Variants in GAD1 observed in about 807,000 individuals in gnomAD.
GAD1 encodes glutamate decarboxylase 1.
A neutral mutation model predicts 75.2 loss-of-function variants in GAD1; 35 were observed. The observed-to-expected ratio is 0.47, with a 90% CI of 0.36 to 0.62. The LOEUF (loss-of-function observed/expected upper bound fraction) is 0.62, where lower values mean the gene tolerates loss of function less well. Among genes scored for constraint, GAD1 ranks in the 20% least tolerant of loss-of-function variants. GAD1 has a pLI of 0.00. For synonymous variants in GAD1, 257 were observed against 271.9 expected (o/e 0.95, Z 0.54); for missense variants, 490 against 758.5 (o/e 0.65, Z 4.16).
In GAD1 at chr2:170,818,817, C is replaced by A; in HGVS notation, c.82+144C>A. The A allele has an allele frequency of 1.2e-6, 1 of 810,460 alleles. No individual in the cohort carries two copies. Among genetic ancestry groups the A allele is most frequent in the Non-Finnish European group, 2.1e-6 (1 of 477,924 alleles). The allele number at this position is 810,460 out of a possible 1,614,324, so 50.2% of individuals were successfully genotyped here. A position where few individuals can be genotyped will look rare whatever the true frequency, so the allele number is the denominator to read the frequency against. On this transcript the variant is annotated intron_variant, in intron 2 of 16. Coordinates refer to ENST00000358196, the MANE Select transcript of GAD1 (RefSeq NM_000817.3). The surrounding 1 kb of genome is among the most constrained non-coding windows in gnomAD (Gnocchi z 5.9). ...AATAAATGGGGCTCTGACCCCGTCC[C>A]TGCCAGAGGTCATTCGGCTGTCAGG...
chr2:170,829,532 A>G lies in GAD1; in HGVS notation c.203A>G (p.Lys68Arg), dbSNP rs112605975. ...AAGAGTCGCCTTGTGAGTGCCTTCA[A>G]GGAGAGGCAATCCTCCAAGAACCTG... is the stretch of plus-strand genomic sequence containing the variant. Reference protein sequence around the residue: ...EEKSRLVSAFKERQSSKNLLS... With the variant: ...EEKSRLVSAFRERQSSKNLLS... Residue 68 changes from lysine (K) to arginine (R), a missense_variant, in exon 4 of 17, where the codon AAG becomes AGG. Physicochemically the swap from Lys to Arg is conservative, Grantham distance 26. Around this residue, in one of 3 missense-constraint regions of GAD1, gnomAD observed 165 missense variants for 216.4 expected, o/e 0.76. Transcript: ENST00000358196. 1.8e-5 allele frequency: 29 copies of G among 1,609,574 alleles called. 1 individual carries two copies. The African/African-American group carries it at 2.7e-4, about 15-fold the overall frequency.
Position 170,856,879 on chromosome 2 carries a change from A to G in GAD1, c.1414-139A>G, listed in dbSNP as rs1559287463. The G allele has an allele frequency of 2.8e-5, 21 of 756,156 alleles. No homozygotes were observed. The South Asian group carries it at 2.9e-4, about 10-fold the overall frequency. 46.8% of individuals were successfully genotyped at this position (756,156 alleles called of 1,614,324 possible). Reference sequence around the variant, plus strand: ...TGCACATCTGTGAAAAAGCTGACATATTTGATTAGATTGTTCTTCCTAACC... The same window carrying G: ...TGCACATCTGTGAAAAAGCTGACATGTTTGATTAGATTGTTCTTCCTAACC... On this transcript the variant is annotated intron_variant, in intron 14 of 16. Coordinates refer to ENST00000358196, the MANE Select transcript of GAD1 (RefSeq NM_000817.3).
At chr2:170,831,314 A>C (rs1303366844) in intron 5 of GAD1, 122 bp downstream of exon 5, 13 of 1,142,782 alleles carry the variant, frequency 1.1e-5, no homozygotes, top group Non-Finnish European at 1.6e-5. Context: ...ATAAGGCGGC[A>C]AAGTACCCAG....
chr2:170,839,485 G>A (rs949499711), intron 6 of GAD1, among the ~76,000 whole-genome samples: 2 of 151,966 alleles, frequency 1.3e-5, no homozygotes, highest in East Asian at 1.9e-4. Context: ...GTGGTGGCGG[G>A]TGCCTGTAAT....
At chr2:170,828,386 TCCTCCCTCTGCTGTCCCCAC>T (rs1702095038) in intron 3 of GAD1, among the ~76,000 whole-genome samples, 1 of 121,656 alleles carries the variant, frequency 8.2e-6, no homozygotes, top group African/African-American at 3.2e-5. Context: ...GTCCTCACCC[TCCTCCCTCTGCTGTCCCCAC>T]CCTCCTCCCT....
intron 3 of GAD1, among the ~76,000 whole-genome samples, chr2:170,823,145 G>A (rs3791871): frequency 0.23 from 34,719 of 152,118 alleles, 4,799 homozygotes; most frequent in South Asian, 0.34. Flanking sequence ...AGGTTGGAGA[G>A]GCGGGGGAAG....
At chr2:170,839,439 C>T (rs2105791026) in intron 6 of GAD1, among the ~76,000 whole-genome samples, 1 of 152,094 alleles carries the variant, frequency 6.6e-6, no homozygotes, top group South Asian at 2.1e-4. Flanking sequence ...CATGGTGAAA[C>T]TCCATGTCTA....
At chr2:170,842,559 CCTTT>C (rs1702540641) in intron 6 of GAD1, 2 of 1,613,562 alleles carry the variant, frequency 1.2e-6, no homozygotes, top group South Asian at 2.2e-5. Flanking sequence ...TCTTCTTCTT[CCTTT>C]ATCAGGCCAT....
chr2:170,846,159 G>A, intron 10 of GAD1, 96 bp downstream of exon 10: 2 of 1,048,504 alleles, frequency 1.9e-6, no homozygotes, highest in Non-Finnish European at 2.9e-6. Context: ...CAATTTTCTT[G>A]TGCTTCTAAA....
chr2:170,839,576 C>T (rs549527119), intron 6 of GAD1, among the ~76,000 whole-genome samples: 6 of 150,724 alleles, frequency 4.0e-5, no homozygotes, highest in African/African-American at 1.5e-4. Flanking sequence ...ACTATGCCAC[C>T]GCACTCCAGC....
intron 12 of GAD1, 117 bp from the exon 13 acceptor site, chr2:170,852,596 AG>A: frequency 1.2e-6 from 1 of 826,316 alleles, no homozygotes; most frequent in Admixed American, 2.0e-5. Flanking sequence ...TAGTCAATTC[AG>A]GAGAATAGGC....
At chr2:170,844,178 T>C in intron 7 of GAD1, 21 bp downstream of exon 7, 1 of 1,289,114 alleles carries the variant, frequency 7.8e-7, no homozygotes, top group Non-Finnish European at 1.1e-6. Context: ...CTTCTCTTCC[T>C]CTTCTCAAGG....
rs778562252 is a variant in GAD1, at chr2:170,831,038, A to G, written c.393A>G (p.Thr131=). 1.9e-6 allele frequency: 3 copies of G among 1,614,196 alleles called. No individual in the cohort carries two copies. Among genetic ancestry groups the G allele is most frequent in the Non-Finnish European group, 2.5e-6 (3 of 1,180,038 alleles). ...VDILLNYVRK[T]FDRSTKVLDF... ...TACTCCTCAACTATGTCCGCAAGAC[A>G]TTTGATCGCTCCACCAAGGTGCTGG... The change falls in exon 5 of 17, where the codon ACA becomes ACG. Residue 131 remains threonine (T), a synonymous_variant. Coordinates refer to ENST00000358196, the MANE Select transcript of GAD1 (RefSeq NM_000817.3).
At chr2:170,845,113 C>CTGAA (rs1023432575) in intron 7 of GAD1, among the ~76,000 whole-genome samples, 4 of 152,148 alleles carry the variant, frequency 2.6e-5, no homozygotes, top group African/African-American at 9.7e-5. Flanking sequence ...CTCTGTCTTT[C>CTGAA]TGAACTCAGG....
In GAD1 at chr2:170,849,277, T is replaced by A. The variant is rs1285490863; in HGVS notation, c.1120-9T>A. 3 of 1,613,590 alleles carry A rather than the reference T, an allele frequency of 1.9e-6. No individual in the cohort carries two copies. Among genetic ancestry groups the A allele is most frequent in the Non-Finnish European group, 2.5e-6 (3 of 1,179,698 alleles). On this transcript the variant is annotated splice_polypyrimidine_tract_variant and intron_variant, in intron 11 of 16. Coordinates refer to ENST00000358196, the MANE Select transcript of GAD1 (RefSeq NM_000817.3). ...CTCCCCTCTTCCTCTCCTTTCTCTG[T>A]CCCCACAGGCTGCCTGGGGAGGTGG...
At chr2:170,858,946 C>A in intron 16 of GAD1, 53 bp downstream of exon 16, 1 of 1,462,034 alleles carries the variant, frequency 6.8e-7, no homozygotes, top group Non-Finnish European at 9.6e-7. Context: ...TCTGGCTGGT[C>A]AGGACATCCT....
chr2:170,859,540 G>A (rs1702917791), intron 16 of GAD1, among the ~76,000 whole-genome samples, 169 bp from the exon 17 acceptor site: 1 of 152,182 alleles, frequency 6.6e-6, no homozygotes, highest in African/African-American at 2.4e-5. Flanking sequence ...GGGAACTTGT[G>A]ACCAGGTAGT....
chr2:170,819,349 T>TG (rs1456163235), intron 2 of GAD1, among the ~76,000 whole-genome samples: 1 of 151,718 alleles, frequency 6.6e-6, no homozygotes, highest in Non-Finnish European at 1.5e-5. Context: ...TGGCAAGAGA[T>TG]GGGGAACTGG....
chr2:170,848,916 G>A (rs1024111232), intron 11 of GAD1: 10 of 426,638 alleles, frequency 2.3e-5, no homozygotes, highest in African/African-American at 1.8e-4. Context: ...GAACCAGACA[G>A]CAGGCCTCAG....
Sources: allele counts gnomAD v4.1 joint callset (sites outside exome capture counted in the v4.1 genomes callset), GRCh38; gene constraint gnomAD v4.1.1; regional missense constraint gnomAD v4.1.1; non-coding constraint Gnocchi (gnomAD v3.1); transcripts MANE v1.5; gene names NCBI Gene and HGNC (gene_info 2026-07-23, HGNC 2026-07-21).